TRMO: variants seen among roughly 807,000 people sequenced by gnomAD.
TRMO encodes tRNA (adenine(37)-N6)-methyltransferase.
Under a neutral mutation model 37.2 loss-of-function variants are expected in TRMO, and 30 were observed. The observed-to-expected ratio is 0.81, with a 90% CI of 0.60 to 1.09. The LOEUF (loss-of-function observed/expected upper bound fraction) is 1.09. Among genes scored for constraint, TRMO ranks in the 50% least tolerant of loss-of-function variants. TRMO has a pLI of 0.00. For missense variants in TRMO, 552 were observed against 549.5 expected (o/e 1.00, Z -0.05); for synonymous variants, 239 against 199.4 (o/e 1.20, Z -1.67).
At chr9:97,906,269 T>A (rs192347449) in intron 4 of TRMO, among the ~76,000 whole-genome samples, 4 of 152,290 alleles carry the variant, frequency 2.6e-5, no homozygotes, top group African/African-American at 4.8e-5. Flanking sequence ...CACACTCCCC[T>A]GTGACGGCGT....
chr9:97,906,427 C>CA (rs1053947102), intron 4 of TRMO, among the ~76,000 whole-genome samples: 6 of 152,266 alleles, frequency 3.9e-5, no homozygotes, highest in African/African-American at 1.2e-4. Context: ...ATTCTCCTCT[C>CA]AGAGTGCCCA....
chr9:97,918,620 C>G (rs1333137073), intron 1 of TRMO, among the ~76,000 whole-genome samples: 1 of 152,144 alleles, frequency 6.6e-6, no homozygotes. Flanking sequence ...CCAGCATAAG[C>G]AGTAAGACTA....
chr9:97,913,387 A>G lies in TRMO; in HGVS notation c.409+14T>C. 1 of 1,613,804 alleles carries G rather than the reference A, an allele frequency of 6.2e-7. No homozygotes were observed. The highest frequency in any genetic ancestry group is 8.5e-7 in the Non-Finnish European group (1 of 1,179,904). ...GGTGAGGAAAAAGGTAAAAGTAGAA[A>G]TGAAATGGGTTACCTTCTACCTTTT... On this transcript the variant is annotated intron_variant, in intron 3 of 4. Coordinates refer to ENST00000375119, the MANE Select transcript of TRMO (RefSeq NM_016481.5).
the TRMO span, among the ~76,000 whole-genome samples, chr9:97,897,416 TTTTTG>T: frequency 4.7e-4 from 72 of 152,286 alleles, no homozygotes; most frequent in African/African-American, 1.5e-3. Flanking sequence ...TTCTCTGGGT[TTTTTG>T]TTTTGTTTTG....
At chr9:97,906,276 G>A (rs1825850187) in intron 4 of TRMO, among the ~76,000 whole-genome samples, 1 of 152,120 alleles carries the variant, frequency 6.6e-6, no homozygotes, top group African/African-American at 2.4e-5. Flanking sequence ...CCCTGTGACG[G>A]CGTTTCTGGG....
intron 1 of TRMO, among the ~76,000 whole-genome samples, chr9:97,919,462 G>GA (rs1826525671): frequency 6.8e-6 from 1 of 146,498 alleles, no homozygotes; most frequent in Non-Finnish European, 1.5e-5. Flanking sequence ...GAAAAGAAAA[G>GA]AAAGAGAGAA....
intron 1 of TRMO, among the ~76,000 whole-genome samples, chr9:97,916,701 CTTT>C (rs1826378681): frequency 7.9e-6 from 1 of 127,218 alleles, no homozygotes; most frequent in African/African-American, 2.7e-5. Context: ...GAGCGTATTT[CTTT>C]CTTTTTTTTT....
chr9:97,897,578 A>C, the TRMO span, among the ~76,000 whole-genome samples: 2 of 152,226 alleles, frequency 1.3e-5, no homozygotes, highest in Non-Finnish European at 2.9e-5. Context: ...TAGCTCCCAG[A>C]AGCACAATTA....
At chr9:97,915,049 T>C (rs1483524730) in intron 2 of TRMO, among the ~76,000 whole-genome samples, 1 of 152,220 alleles carries the variant, frequency 6.6e-6, no homozygotes, top group African/African-American at 2.4e-5. Context: ...AATCTACTCT[T>C]GTCCCCAAAT....
At chr9:97,913,591 T>C in intron 2 of TRMO, 33 bp from the exon 3 acceptor site, 1 of 1,427,682 alleles carries the variant, frequency 7.0e-7, no homozygotes, top group Non-Finnish European at 9.8e-7. Flanking sequence ...AACCACGGAA[T>C]AAGAAAAGAG....
chr9:97,917,481 A>C (rs1393270454), intron 1 of TRMO, among the ~76,000 whole-genome samples: 1 of 152,226 alleles, frequency 6.6e-6, no homozygotes. Context: ...TAGGTACTCA[A>C]AAAATTCATG....
chr9:97,903,770 T>C (rs1825737964), downstream of TRMO, among the ~76,000 whole-genome samples: 1 of 152,160 alleles, frequency 6.6e-6, no homozygotes, highest in African/African-American at 2.4e-5. Flanking sequence ...AGGTTCTCAA[T>C]AAATAGTTGC....
intron 4 of TRMO, among the ~76,000 whole-genome samples, chr9:97,907,944 A>G (rs1825926662): frequency 6.6e-6 from 1 of 152,072 alleles, no homozygotes; most frequent in Non-Finnish European, 1.5e-5. Flanking sequence ...ACCTTTGCTC[A>G]TATGTGTCTT....
At chr9:97,915,266 T>A (rs1387022177) in intron 2 of TRMO, among the ~76,000 whole-genome samples, 1 of 152,186 alleles carries the variant, frequency 6.6e-6, no homozygotes, top group African/African-American at 2.4e-5. Context: ...TCTTGTCTTT[T>A]AGGAGTATAC....
At chr9:97,905,182 C>T (rs1381878800) in intron 4 of TRMO, among the ~76,000 whole-genome samples, 190 bp from the exon 5 acceptor site, 1 of 152,160 alleles carries the variant, frequency 6.6e-6, no homozygotes, top group Non-Finnish European at 1.5e-5. Flanking sequence ...TTAACTTGTA[C>T]ACCCCCAAAT....
chr9:97,903,576 T>A (rs1036814674), downstream of TRMO, among the ~76,000 whole-genome samples: 2 of 152,220 alleles, frequency 1.3e-5, no homozygotes, highest in African/African-American at 4.8e-5. Context: ...ATCATTAAAA[T>A]CACCTATAGG....
chr9:97,910,675 C>G, intron 3 of TRMO, 59 bp from the exon 4 acceptor site: 1 of 1,571,466 alleles, frequency 6.4e-7, no homozygotes, highest in East Asian at 2.3e-5. Flanking sequence ...AATACAGTCA[C>G]GCCCCAGAAT....
intron 2 of TRMO, among the ~76,000 whole-genome samples, chr9:97,915,195 A>G (rs1011523647): frequency 1.6e-4 from 24 of 152,234 alleles, no homozygotes; most frequent in Non-Finnish European, 2.4e-4. Context: ...ACAACAAACA[A>G]TGCTAGTATA....
chr9:97,916,062 G>A, intron 2 of TRMO, 102 bp downstream of exon 2: 1 of 749,944 alleles, frequency 1.3e-6, no homozygotes. Flanking sequence ...CAAAGATGAG[G>A]GTGGTCTGGA....
Sources: gnomAD v4.1 joint callset for allele counts (sites outside exome capture counted in the v4.1 genomes callset) on GRCh38, gnomAD v4.1.1 for gene constraint, MANE v1.5 for transcripts, NCBI Gene and HGNC (gene_info 2026-07-23, HGNC 2026-07-21) for gene names.